The following NAA11 variants were observed in gnomAD, a reference collection of about 807,000 sequenced individuals.
NAA11 encodes N-alpha-acetyltransferase 11, NatA catalytic subunit, also known as N-alpha-acetyltransferase 11.
A neutral mutation model predicts 16.1 loss-of-function variants in NAA11; 15 were observed. That is an observed-to-expected ratio of 0.93 (90% CI 0.62 to 1.44). NAA11 has a LOEUF of 1.44. NAA11 is among the 40% of genes most tolerant of loss of function. The pLI, the probability that NAA11 is intolerant of heterozygous loss-of-function variation, is 0.00. For synonymous variants in NAA11, 122 were observed against 112.4 expected (o/e 1.09, Z -0.54); for missense variants, 298 against 291.3 (o/e 1.02, Z -0.17).
Position 79,310,213 on chromosome 4 carries a change from T to C in NAA11, c.*12+14963A>G, listed in dbSNP as rs1431437810. On this transcript the variant is annotated intron_variant and NMD_transcript_variant, in intron 1 of 2. Transcript: ENST00000511542. ...AACAATCTATGATCACTCAGTCATC[T>C]TTCTGCCAAAAAATAATATTCAAAC... 3.3e-5 allele frequency among the ~76,000 whole-genome samples: 5 copies of C among 152,354 alleles called. No homozygotes were observed. The East Asian group carries it at 9.6e-4, about 29-fold the overall frequency.
At chr4:79,310,392 C>T (rs925185317) in intron 1 of NAA11, among the ~76,000 whole-genome samples, 2 of 152,200 alleles carry the variant, frequency 1.3e-5, no homozygotes, top group African/African-American at 4.8e-5. Context: ...AACAACTCTA[C>T]AGTTCCTTAA....
At chr4:79,177,404 CAA>C in the NAA11 span, among the ~76,000 whole-genome samples, 111,745 of 147,540 alleles carry the variant, frequency 0.76, 43,786 homozygotes, top group East Asian at 0.89. Context: ...TTTGACTTAT[CAA>C]AAAAAAAAAA....
chr4:79,303,078 A>T (rs1182881584), intron 1 of NAA11, among the ~76,000 whole-genome samples: 17 of 10,844 alleles, frequency 1.6e-3, no homozygotes, highest in South Asian at 4.5e-3. Context: ...GAGGCCTTTT[A>T]TATATATATA....
At chr4:79,244,007 G>C (rs1277768492) in intron 2 of NAA11, among the ~76,000 whole-genome samples, 1 of 152,170 alleles carries the variant, frequency 6.6e-6, no homozygotes, top group East Asian at 1.9e-4. Context: ...GCCCAACTGA[G>C]GCTTTCTTCC....
chr4:79,313,256 G>T (rs530999181), downstream of NAA11, among the ~76,000 whole-genome samples: 8 of 151,504 alleles, frequency 5.3e-5, no homozygotes, highest in East Asian at 1.6e-3. Context: ...TACAATGCAG[G>T]TTTTTTTTTA....
intron 2 of NAA11, among the ~76,000 whole-genome samples, chr4:79,291,064 A>G (rs139201652): frequency 2.7e-4 from 41 of 152,332 alleles, no homozygotes; most frequent in African/African-American, 9.9e-4. Flanking sequence ...TTTACTACAA[A>G]TGGGGAAACA....
intron 2 of NAA11, among the ~76,000 whole-genome samples, chr4:79,282,249 C>T (rs1024084473): frequency 5.9e-5 from 9 of 152,012 alleles, no homozygotes; most frequent in African/African-American, 2.2e-4. Flanking sequence ...GTAAACACAG[C>T]CCACATTATA....
chr4:79,257,290 C>G (rs1037381285), intron 2 of NAA11, among the ~76,000 whole-genome samples: 6 of 152,048 alleles, frequency 3.9e-5, no homozygotes, highest in Non-Finnish European at 2.9e-5. Context: ...GTTGATCTTT[C>G]TCTAGTCATT....
chr4:79,234,690 T>C (rs1475175946), intron 2 of NAA11, among the ~76,000 whole-genome samples: 1 of 152,130 alleles, frequency 6.6e-6, no homozygotes, highest in Admixed American at 6.6e-5. Context: ...CATTCTCTAC[T>C]CCATGCAGTG....
the NAA11 span, among the ~76,000 whole-genome samples, chr4:79,188,535 A>C: frequency 2.6e-5 from 4 of 151,798 alleles, no homozygotes; most frequent in Non-Finnish European, 4.4e-5. Flanking sequence ...CAGTGAGCCG[A>C]GATCTCGCCA....
the NAA11 span, among the ~76,000 whole-genome samples, chr4:79,172,794 T>C: frequency 6.6e-6 from 1 of 152,282 alleles, no homozygotes; most frequent in East Asian, 1.9e-4. Context: ...CAGAATTAGT[T>C]GGGCAGTTAC....
chr4:79,310,749 G>A (rs1421352005), intron 1 of NAA11, among the ~76,000 whole-genome samples: 1 of 152,110 alleles, frequency 6.6e-6, no homozygotes, highest in Non-Finnish European at 1.5e-5. Context: ...TTATTTATAG[G>A]AGCAAGTCTG....
the NAA11 span, among the ~76,000 whole-genome samples, chr4:79,204,785 T>A: frequency 6.6e-6 from 1 of 151,846 alleles, no homozygotes; most frequent in Non-Finnish European, 1.5e-5. Context: ...ATAGCTTAGC[T>A]CCCATTTATA....
chr4:79,308,459 A>G (rs962614335), intron 1 of NAA11: 2 of 152,156 alleles, frequency 1.3e-5, no homozygotes, highest in African/African-American at 4.8e-5. Flanking sequence ...ACCGATTTAT[A>G]TGAAAATTAA....
At chr4:79,318,926 T>C (rs192673431) in intron 1 of NAA11, among the ~76,000 whole-genome samples, 1 of 152,144 alleles carries the variant, frequency 6.6e-6, no homozygotes, top group East Asian at 1.9e-4. Context: ...AGTATTATAG[T>C]CCTTTTTTTG....
At chr4:79,221,182 T>A (rs567178930), downstream of NAA11, among the ~76,000 whole-genome samples, 1,329 of 151,888 alleles carry the variant, frequency 8.7e-3, 26 homozygotes, top group African/African-American at 0.03. Flanking sequence ...GTTTGTCTGT[T>A]GTTAGTGTAT....
the NAA11 span, among the ~76,000 whole-genome samples, chr4:79,209,800 C>T: frequency 6.6e-6 from 1 of 151,962 alleles, no homozygotes; most frequent in Admixed American, 6.6e-5. Flanking sequence ...AATCCCAATA[C>T]TTTCAGAGAT....
chr4:79,234,716 T>C (rs1721533451), intron 2 of NAA11, among the ~76,000 whole-genome samples: 1 of 152,128 alleles, frequency 6.6e-6, no homozygotes, highest in African/African-American at 2.4e-5. Flanking sequence ...TTAATAAGAA[T>C]ACATGAAAAT....
downstream of NAA11, among the ~76,000 whole-genome samples, chr4:79,224,215 G>A (rs1721261754): frequency 1.3e-5 from 2 of 152,064 alleles, no homozygotes; most frequent in Admixed American, 1.3e-4. Context: ...GGCTCCAGGT[G>A]ACATAATTCC....
Sources: gnomAD v4.1 joint callset for allele counts (sites outside exome capture counted in the v4.1 genomes callset) on GRCh38, gnomAD v4.1.1 for gene constraint, MANE v1.5 for transcripts, NCBI Gene and HGNC (gene_info 2026-07-23, HGNC 2026-07-21) for gene names.